Variants in LLGL2 observed in about 807,000 individuals in gnomAD.
The protein encoded by LLGL2 is LLGL2, scribble cell polarity complex component.
In LLGL2, 81 loss-of-function variants were observed where a neutral mutation model predicts 123.2. The ratio of observed to expected loss-of-function variants is 0.66; its 90% CI spans 0.55 to 0.79. The LOEUF (loss-of-function observed/expected upper bound fraction) is 0.79, where lower values mean the gene tolerates loss of function less well. Ranked by LOEUF, LLGL2 falls within the 30% of genes least tolerant of loss-of-function variation. LLGL2 has a pLI of 0.00. For synonymous variants in LLGL2, 577 were observed against 594.1 expected (o/e 0.97, Z 0.42); for missense variants, 1,273 against 1,414.6 (o/e 0.90, Z 1.61).
intron 6 of LLGL2, among the ~76,000 whole-genome samples, chr17:75,560,062 G>C (rs1319360033): frequency 6.6e-6 from 1 of 152,224 alleles, no homozygotes; most frequent in African/African-American, 2.4e-5. Flanking sequence ...AGGCCAGGGT[G>C]CTGGGCCCCT....
chr17:75,563,628 G>A, intron 8 of LLGL2, 124 bp from the exon 9 acceptor site: 4 of 1,478,848 alleles, frequency 2.7e-6, no homozygotes, highest in Non-Finnish European at 3.7e-6. Context: ...ACTTCTCGGA[G>A]CAAGATTCCC....
In LLGL2 at chr17:75,544,665, C is replaced by T. The variant is rs756333177; in HGVS notation, c.75+1164C>T. On this transcript the variant is annotated intron_variant, in intron 2 of 25. Transcript: ENST00000392550. This position sits in a 1 kb window ranked among gnomAD's most constrained non-coding sequence, Gnocchi z 4.2. ...GCTGCTGTGGGCTGGAGGGGATCTCCGTGACCTCCCTGTTGGGAGAGGTGG... is the reference window on the plus strand; with the variant it reads ...GCTGCTGTGGGCTGGAGGGGATCTCTGTGACCTCCCTGTTGGGAGAGGTGG... 3.3e-5 allele frequency among the ~76,000 whole-genome samples: 5 copies of T among 152,256 alleles called. No homozygotes were observed. In the South Asian group the frequency reaches 6.2e-4, roughly 19 times the overall value.
intron 10 of LLGL2, among the ~76,000 whole-genome samples, chr17:75,565,627 G>A (rs189525210): frequency 9.0e-4 from 137 of 152,312 alleles, no homozygotes; most frequent in African/African-American, 3.1e-3. Flanking sequence ...GAAAGGTCAG[G>A]AAGGGAGGGA....
At chr17:75,555,593 C>T (rs932014871) in intron 2 of LLGL2, among the ~76,000 whole-genome samples, 3 of 152,058 alleles carry the variant, frequency 2.0e-5, no homozygotes, top group Non-Finnish European at 4.4e-5. Flanking sequence ...GCAGGGCCTC[C>T]GCGGTACTCT....
intron 9 of LLGL2, 123 bp downstream of exon 9, chr17:75,563,929 T>A: frequency 6.2e-6 from 6 of 960,894 alleles, no homozygotes; most frequent in South Asian, 1.3e-5. Context: ...GTTGGGGTCT[T>A]GGACACCAGG....
chr17:75,536,361 C>T (rs532946344), intron 1 of LLGL2, among the ~76,000 whole-genome samples: 3 of 152,154 alleles, frequency 2.0e-5, no homozygotes, highest in Non-Finnish European at 4.4e-5. Flanking sequence ...TTGCCAAGCC[C>T]GCTCCCTGGC....
Position 75,558,394 on chromosome 17 carries a change from T to C in LLGL2, c.256-118T>C. 1 of 1,138,854 alleles carries C rather than the reference T, an allele frequency of 8.8e-7. No individual in the cohort carries two copies. The highest frequency in any genetic ancestry group is 2.6e-5 in the East Asian group (1 of 38,824). 70.5% of individuals were successfully genotyped at this position (1,138,854 alleles called of 1,614,324 possible). A position where few individuals can be genotyped will look rare whatever the true frequency, so the allele number is the denominator to read the frequency against. The stretch of plus-strand genomic sequence containing the variant: ...CCTCCCTTTCCACAGCTGGGGCTCA[T>C]GGGCCACCCTGGGAGTGGCCAGGGG... On this transcript the variant is annotated intron_variant, in intron 4 of 25. Coordinates refer to ENST00000392550, the MANE Select transcript of LLGL2 (RefSeq NM_001031803.2). This position sits in a 1 kb window ranked among gnomAD's most constrained non-coding sequence, Gnocchi z 4.0.
In LLGL2 at chr17:75,557,841, A is replaced by G. The variant is rs1023854361; in HGVS notation, c.174-314A>G. 5 of 419,332 alleles carry G rather than the reference A, an allele frequency of 1.2e-5. No individual in the cohort carries two copies. In the Admixed American group the frequency reaches 1.8e-4, roughly 15 times the overall value. 26.0% of individuals were successfully genotyped at this position (419,332 alleles called of 1,614,324 possible). ...CAGGTGCTACCAAGCGACAGCCAACATGTCTTTTGCAGCTCAGGATCAGGG... is the reference window on the plus strand; with the variant it reads ...CAGGTGCTACCAAGCGACAGCCAACGTGTCTTTTGCAGCTCAGGATCAGGG... On this transcript the variant is annotated intron_variant, in intron 3 of 25. Coordinates refer to ENST00000392550, the MANE Select transcript of LLGL2 (RefSeq NM_001031803.2).
chr17:75,534,400 C>CA (rs1440214216), intron 1 of LLGL2, among the ~76,000 whole-genome samples: 1 of 152,244 alleles, frequency 6.6e-6, no homozygotes, highest in Non-Finnish European at 1.5e-5. Context: ...TGCGAGCAGG[C>CA]AGCCCCTTTG....
Position 75,559,469 on chromosome 17 carries a change from C to G in LLGL2, c.530+59C>G. On this transcript the variant is annotated intron_variant, in intron 6 of 25. Coordinates refer to ENST00000392550, the MANE Select transcript of LLGL2 (RefSeq NM_001031803.2). This position sits in a 1 kb window ranked among gnomAD's most constrained non-coding sequence, Gnocchi z 4.6. ...CCCCTCAAGTTAGGCATGGCTTCTC[C>G]CCTTGGTCCCAGGACTCTGTCAGGA... The G allele has an allele frequency of 6.5e-7, 1 of 1,536,218 alleles. No individual in the cohort carries two copies. Among genetic ancestry groups the G allele is most frequent in the Non-Finnish European group, 8.8e-7 (1 of 1,142,248 alleles).
chr17:75,550,779 TC>T (rs1227424990), intron 2 of LLGL2, among the ~76,000 whole-genome samples: 17 of 26,264 alleles, frequency 6.5e-4, no homozygotes, highest in African/African-American at 2.9e-3. Flanking sequence ...AGACCCTGTC[TC>T]AAAAAAAAAA....
intron 10 of LLGL2, among the ~76,000 whole-genome samples, chr17:75,565,606 G>C (rs2055412135): frequency 6.6e-6 from 1 of 152,230 alleles, no homozygotes; most frequent in South Asian, 2.1e-4. Flanking sequence ...TGAGTTACCT[G>C]ATTCCCAGCG....
chr17:75,526,702 G>T lies in LLGL2; in HGVS notation c.-31+877G>T, dbSNP rs563481975. Among the ~76,000 whole-genome samples, 45 of 152,244 alleles carry T rather than the reference G, an allele frequency of 3.0e-4. 1 individual carries two copies. Among genetic ancestry groups the T allele is most frequent in the Admixed American group, 2.5e-3 (38 of 15,296 alleles). ...TGGGCTCCAGGGACCCCCTGCTGGAGTTTGTAGTTCAAGAGAACCTTGAGT... is the reference window on the plus strand; with the variant it reads ...TGGGCTCCAGGGACCCCCTGCTGGATTTTGTAGTTCAAGAGAACCTTGAGT... On this transcript the variant is annotated intron_variant, in intron 1 of 25. Transcript: ENST00000392550.
At chr17:75,542,871 G>A (rs556112102) in intron 1 of LLGL2, 16 of 152,430 alleles carry the variant, frequency 1.0e-4, no homozygotes, top group Non-Finnish European at 1.9e-4. Flanking sequence ...TCCCTGGACA[G>A]CCTTCCCCGA....
At position 75,571,708 on chromosome 17, in the gene LLGL2, G is replaced by A; in HGVS notation, c.2218G>A (p.Gly740Ser). 6.2e-7 allele frequency: 1 copy of A among 1,609,722 alleles called. No individual in the cohort carries two copies. The highest frequency in any genetic ancestry group is 8.5e-7 in the Non-Finnish European group (1 of 1,179,956). The change falls in exon 18 of 26, where the codon GGC becomes AGC. Residue 740 changes from glycine to serine, a missense_variant. By Grantham distance (56) the Gly-to-Ser change is moderately conservative (BLOSUM62 0). Transcript: ENST00000392550. Reference protein sequence around the residue: ...CPSLWAGTNGGTIYAFSLRVP... With the variant: ...CPSLWAGTNGSTIYAFSLRVP... Reference sequence around the variant, plus strand: ...CTCGCTGTGGGCTGGCACCAATGGGGGCACCATCTATGCCTTCTCCCTGCG... The same window carrying A: ...CTCGCTGTGGGCTGGCACCAATGGGAGCACCATCTATGCCTTCTCCCTGCG...
chr17:75,571,686 G>T lies in LLGL2; in HGVS notation c.2196G>T (p.Ser732=), dbSNP rs150869543. The T allele has an allele frequency of 3.1e-6, 5 of 1,608,872 alleles. No homozygotes were observed. Among genetic ancestry groups the T allele is most frequent in the South Asian group, 1.1e-5 (1 of 91,068 alleles). The change falls in exon 18 of 26, where the codon TCG becomes TCT. Residue 732 remains serine (S), a synonymous_variant. Coordinates refer to ENST00000392550, the MANE Select transcript of LLGL2 (RefSeq NM_001031803.2). The stretch of plus-strand genomic sequence containing the variant: ...CGGCAGGCTCCCGGCACTGCCCCTC[G>T]CTGTGGGCTGGCACCAATGGGGGCA... The part of the protein sequence containing the change: ...YLKDSSRHCP[S]LWAGTNGGTI...
chr17:75,541,476 C>T (rs954180428), intron 1 of LLGL2, among the ~76,000 whole-genome samples: 3 of 152,220 alleles, frequency 2.0e-5, no homozygotes, highest in African/African-American at 7.2e-5. Flanking sequence ...CTCTGAACCC[C>T]CTTGGGACCT....
At chr17:75,552,256 AG>A (rs1195815403) in intron 2 of LLGL2, among the ~76,000 whole-genome samples, 1 of 152,104 alleles carries the variant, frequency 6.6e-6, no homozygotes, top group Non-Finnish European at 1.5e-5. Flanking sequence ...TGGAAGGCTG[AG>A]GCCTGTGGAT....
rs906022432 is a variant in LLGL2, at chr17:75,549,430, C to T, written c.75+5929C>T. ...GCCCGGCTGCCGCAGAAGCACCTGCCTGGGCCTTCCCTGCCCGTGCCCACC... is the reference window on the plus strand; with the variant it reads ...GCCCGGCTGCCGCAGAAGCACCTGCTTGGGCCTTCCCTGCCCGTGCCCACC... On this transcript the variant is annotated intron_variant, in intron 2 of 25. Coordinates refer to ENST00000392550, the MANE Select transcript of LLGL2 (RefSeq NM_001031803.2). The surrounding 1 kb of genome is among the most constrained non-coding windows in gnomAD (Gnocchi z 4.0). 2.0e-5 allele frequency among the ~76,000 whole-genome samples: 3 copies of T among 152,244 alleles called. No homozygotes were observed. The highest frequency in any genetic ancestry group is 4.8e-5 in the African/African-American group (2 of 41,474).
Sources: allele counts gnomAD v4.1 joint callset (sites outside exome capture counted in the v4.1 genomes callset), GRCh38; gene constraint gnomAD v4.1.1; non-coding constraint Gnocchi (gnomAD v3.1); transcripts MANE v1.5; gene names NCBI Gene and HGNC (gene_info 2026-07-23, HGNC 2026-07-21).